The following NFIB variants were observed in gnomAD, a reference collection of about 807,000 sequenced individuals.
NFIB encodes nuclear factor 1 B-type.
Under a neutral mutation model 61.5 loss-of-function variants are expected in NFIB, and 11 were observed. That is an observed-to-expected ratio of 0.18 (90% CI 0.11 to 0.30). The LOEUF (loss-of-function observed/expected upper bound fraction) is 0.30. NFIB is among the 10% of genes least tolerant of loss of function. The probability of loss-of-function intolerance (pLI) is 1.00; values close to 1 mark genes in which losing one functional copy is unlikely to be tolerated. For synonymous variants in NFIB, 260 were observed against 216.5 expected (o/e 1.20, Z -1.76); for missense variants, 471 against 608.9 (o/e 0.77, Z 2.38).
the NFIB span, among the ~76,000 whole-genome samples, chr9:14,459,279 T>A: frequency 6.6e-6 from 1 of 152,228 alleles, no homozygotes; most frequent in Non-Finnish European, 1.5e-5. Context: ...GGATTCTCTA[T>A]TTCGTAAATG....
At chr9:14,418,088 G>A in the NFIB span, among the ~76,000 whole-genome samples, 1 of 152,094 alleles carries the variant, frequency 6.6e-6, no homozygotes, top group African/African-American at 2.4e-5. Flanking sequence ...GCCAGGAACA[G>A]TTTTTTTAAA....
the NFIB span, among the ~76,000 whole-genome samples, chr9:14,483,986 T>C: frequency 7.2e-4 from 109 of 152,314 alleles, no homozygotes; most frequent in Non-Finnish European, 1.3e-3. Flanking sequence ...TTGAATTATA[T>C]TTCACACCAA....
At chr9:14,446,414 T>C in the NFIB span, among the ~76,000 whole-genome samples, 1 of 152,184 alleles carries the variant, frequency 6.6e-6, no homozygotes, top group African/African-American at 2.4e-5. Context: ...CATGTCTGTG[T>C]CTTGGTTTAT....
At chr9:14,206,721 A>C (rs1296349691) in intron 2 of NFIB, among the ~76,000 whole-genome samples, 2 of 142,742 alleles carry the variant, frequency 1.4e-5, no homozygotes, top group Non-Finnish European at 3.0e-5. Flanking sequence ...AAAAAAAAAA[A>C]CCTAAGGGAT....
intron 2 of NFIB, among the ~76,000 whole-genome samples, chr9:14,253,234 C>T (rs1321731116): frequency 1.3e-5 from 2 of 152,162 alleles, no homozygotes; most frequent in African/African-American, 2.4e-5. Flanking sequence ...TTCTCAGATG[C>T]ATCATATCCT....
chr9:14,102,060 A>G lies in NFIB; in HGVS notation c.1467+10939T>C, dbSNP rs934443802. Among the ~76,000 whole-genome samples, 11 of 152,328 alleles carry G rather than the reference A, an allele frequency of 7.2e-5. No individual in the cohort carries two copies. In the South Asian group the frequency reaches 2.3e-3, roughly 32 times the overall value. ...AAATAAGAAAAACCTACAATGTGAA[A>G]ACCAATGCTTTATCCTCAGGTAGCT... On this transcript the variant is annotated intron_variant, in intron 10 of 10. Transcript: ENST00000380953.
At chr9:14,438,106 G>C in the NFIB span, among the ~76,000 whole-genome samples, 6 of 151,546 alleles carry the variant, frequency 4.0e-5, no homozygotes, top group African/African-American at 7.2e-5. Context: ...GGGTAGATGA[G>C]GGGGGACTGA....
chr9:14,322,166 C>T (rs2060677015), intron 1 of NFIB: 1 of 1,200,258 alleles, frequency 8.3e-7, no homozygotes, highest in Non-Finnish European at 1.0e-6. Flanking sequence ...AGTTCTTGGC[C>T]CGAGAAGAAA....
At chr9:14,283,226 C>T (rs1196826106) in intron 2 of NFIB, among the ~76,000 whole-genome samples, 2 of 152,090 alleles carry the variant, frequency 1.3e-5, no homozygotes, top group African/African-American at 4.8e-5. Flanking sequence ...ACTGTGACTC[C>T]GGACTAGGGG....
At chr9:14,138,883 AGTT>A (rs1017983087) in intron 6 of NFIB, among the ~76,000 whole-genome samples, 4 of 149,064 alleles carry the variant, frequency 2.7e-5, no homozygotes, top group African/African-American at 1.0e-4. Flanking sequence ...TAATAATAAT[AGTT>A]GATTTATGTG....
chr9:14,246,265 T>A (rs1480078521), intron 2 of NFIB, among the ~76,000 whole-genome samples: 1 of 152,152 alleles, frequency 6.6e-6, no homozygotes, highest in Non-Finnish European at 1.5e-5. Context: ...ATACCTTGCA[T>A]TGGCAAGGCA....
intron 2 of NFIB, among the ~76,000 whole-genome samples, chr9:14,206,627 A>T (rs748651086): frequency 1.4e-5 from 2 of 144,684 alleles, no homozygotes; most frequent in African/African-American, 5.2e-5. Context: ...TTGATTGACC[A>T]TCTAGTACCT....
intron 2 of NFIB, among the ~76,000 whole-genome samples, chr9:14,291,355 T>C (rs1487893084): frequency 6.6e-6 from 1 of 151,654 alleles, no homozygotes; most frequent in Admixed American, 6.6e-5. Flanking sequence ...TGTGGTGGTA[T>C]GCACCTGTAA....
chr9:14,513,298 G>C, the NFIB span, among the ~76,000 whole-genome samples: 2 of 152,030 alleles, frequency 1.3e-5, no homozygotes, highest in Admixed American at 1.3e-4. Flanking sequence ...CCATCTTCCT[G>C]TGTAAAGGTT....
intron 1 of NFIB, among the ~76,000 whole-genome samples, chr9:14,364,810 G>C (rs932458848): frequency 2.0e-5 from 3 of 152,106 alleles, no homozygotes; most frequent in African/African-American, 7.2e-5. Flanking sequence ...GAAATTTTAG[G>C]AGTTTTCTAG....
intron 1 of NFIB, among the ~76,000 whole-genome samples, chr9:14,366,324 G>T (rs912528626): frequency 6.6e-6 from 1 of 152,094 alleles, no homozygotes; most frequent in Non-Finnish European, 1.5e-5. Context: ...AGTGAAACCC[G>T]ATGTCTTCTC....
intron 1 of NFIB, among the ~76,000 whole-genome samples, chr9:14,371,208 G>A (rs773792745): frequency 3.9e-5 from 6 of 152,178 alleles, no homozygotes; most frequent in Non-Finnish European, 7.3e-5. Context: ...GCTATGCAAG[G>A]CCTCAGTCAT....
chr9:14,469,704 T>G, the NFIB span, among the ~76,000 whole-genome samples: 1 of 152,184 alleles, frequency 6.6e-6, no homozygotes, highest in Non-Finnish European at 1.5e-5. Context: ...AGACATTAAA[T>G]GACAAGAACA....
intron 10 of NFIB, among the ~76,000 whole-genome samples, chr9:14,096,032 G>A (rs960879732): frequency 1.3e-5 from 2 of 151,854 alleles, no homozygotes; most frequent in Non-Finnish European, 2.9e-5. Context: ...CATAGTCTTT[G>A]TTATTTAAGT....
Sources: allele counts gnomAD v4.1 joint callset (sites outside exome capture counted in the v4.1 genomes callset), GRCh38; gene constraint gnomAD v4.1.1; transcripts MANE v1.5; gene names NCBI Gene and HGNC (gene_info 2026-07-23, HGNC 2026-07-21).